The following PTPRD variants were observed in gnomAD, a reference collection of about 807,000 sequenced individuals.
PTPRD encodes the protein receptor-type tyrosine-protein phosphatase delta.
In PTPRD, 34 loss-of-function variants were observed where a neutral mutation model predicts 214.5. The ratio of observed to expected loss-of-function variants is 0.16; its 90% confidence interval spans 0.12 to 0.21. The LOEUF (loss-of-function observed/expected upper bound fraction) is 0.21, where lower values mean the gene tolerates loss of function less well. Ranked by LOEUF, PTPRD falls within the 10% of genes least tolerant of loss-of-function variation. PTPRD has a pLI of 1.00. For synonymous variants in PTPRD, 1,128 were observed against 845.7 expected, an observed-to-expected ratio of 1.33 and a Z score of -5.79; for missense variants, 2,545 against 2,398.7, an observed-to-expected ratio of 1.06 and a Z score of -1.27.
intron 3 of PTPRD, among the ~76,000 whole-genome samples, chr9:10,195,081 C>T (rs1265506488): frequency 6.7e-5 from 10 of 148,824 alleles, no homozygotes; most frequent in Admixed American, 5.4e-4. Flanking sequence ...TACAGGCACC[C>T]GTGACCATAC....
chr9:9,153,660 C>G (rs1365340050), intron 10 of PTPRD, among the ~76,000 whole-genome samples: 1 of 152,096 alleles, frequency 6.6e-6, no homozygotes, highest in Admixed American at 6.6e-5. Flanking sequence ...GTGTCTAGGT[C>G]TCTACAAAAC....
chr9:10,192,675 G>A (rs2099372782), intron 3 of PTPRD, among the ~76,000 whole-genome samples: 1 of 152,044 alleles, frequency 6.6e-6, no homozygotes, highest in African/African-American at 2.4e-5. Context: ...TCCCTCACTA[G>A]CTTCCAAATC....
At chr9:10,535,779 G>T (rs2057635076) in intron 2 of PTPRD, among the ~76,000 whole-genome samples, 1 of 152,168 alleles carries the variant, frequency 6.6e-6, no homozygotes, top group South Asian at 2.1e-4. Flanking sequence ...GTTGAAAATT[G>T]ATATCTAGCC....
At chr9:8,485,545 C>A (rs2096982421) in intron 28 of PTPRD, 1 of 626,000 alleles carries the variant, frequency 1.6e-6, no homozygotes. Flanking sequence ...TTTTCCTTAC[C>A]TGAGGACATT....
At chr9:8,520,391 C>T (rs758781005) in intron 20 of PTPRD, among the ~76,000 whole-genome samples, 1 of 152,024 alleles carries the variant, frequency 6.6e-6, no homozygotes, top group Non-Finnish European at 1.5e-5. Context: ...ACGTGTATTG[C>T]ATTTTCTAAG....
At chr9:9,513,316 T>C (rs1049358841) in intron 8 of PTPRD, among the ~76,000 whole-genome samples, 1 of 151,996 alleles carries the variant, frequency 6.6e-6, no homozygotes, top group Non-Finnish European at 1.5e-5. Context: ...CATGCTAATA[T>C]CTTTGCCCTT....
Position 8,544,923 on chromosome 9 carries a change from G to A in PTPRD, c.353-16144C>T, listed in dbSNP as rs1171462681. Among the ~76,000 whole-genome samples the A allele has an allele frequency of 3.5e-5, 5 of 142,648 alleles. No individual in the cohort carries two copies. In the East Asian group the frequency reaches 8.2e-4, roughly 23 times the overall value. The allele number at this position is 142,648 out of a possible 152,430, so 93.6% of individuals were successfully genotyped here. A position where few individuals can be genotyped will look rare whatever the true frequency, so the allele number is the denominator to read the frequency against. The stretch of plus-strand genomic sequence containing the variant: ...TTTTTTTTTTTTTTAATTGTCAGGA[G>A]GCACTTTTGTATCAAAGTGCCTTCT... On this transcript the variant is annotated intron_variant, in intron 14 of 45. Transcript: ENST00000381196.
chr9:9,486,370 A>G (rs151265772), intron 8 of PTPRD, among the ~76,000 whole-genome samples: 67 of 152,140 alleles, frequency 4.4e-4, no homozygotes, highest in African/African-American at 1.6e-3. Flanking sequence ...CCAAGGCAAC[A>G]GTATTCTTAT....
chr9:8,754,718 T>C (rs1232199745), intron 11 of PTPRD, among the ~76,000 whole-genome samples: 3 of 110,330 alleles, frequency 2.7e-5, no homozygotes, highest in African/African-American at 5.0e-5. Flanking sequence ...ACAATAAAGA[T>C]TGATAAATTT....
In PTPRD at chr9:9,373,296, C is replaced by G. The variant is rs191241418; in HGVS notation, c.-203+24153G>C. The stretch of plus-strand genomic sequence containing the variant: ...GCTAAATTTGGTGAGAGAAATAAGT[C>G]AATTTAAGTGACTTTCTATAATTTA... On this transcript the variant is annotated intron_variant, in intron 9 of 45. Transcript: ENST00000381196. Among the ~76,000 whole-genome samples, 3 of 152,116 alleles carry G rather than the reference C, an allele frequency of 2.0e-5. No homozygotes were observed. In the East Asian group the frequency reaches 5.8e-4, roughly 29 times the overall value.
chr9:8,736,012 C>T lies in PTPRD; in HGVS notation c.-103-2066G>A, dbSNP rs191455799. 2.2e-4 allele frequency among the ~76,000 whole-genome samples: 34 copies of T among 151,620 alleles called. 1 individual carries two copies. In the East Asian group the frequency reaches 6.0e-3, roughly 27 times the overall value. On this transcript the variant is annotated intron_variant, in intron 11 of 45. Transcript: ENST00000381196. ...CAAATGGCCTTTATTCAGCAAACTA[C>T]AAAAAGAGCCATTTAATGTTTTAGA...
At chr9:8,752,167 G>C (rs889330214) in intron 11 of PTPRD, among the ~76,000 whole-genome samples, 12 of 152,276 alleles carry the variant, frequency 7.9e-5, no homozygotes, top group African/African-American at 2.6e-4. Flanking sequence ...TTCTCAGACG[G>C]TTAGGGCATT....
chr9:8,719,279 A>G (rs993472736), intron 12 of PTPRD, among the ~76,000 whole-genome samples: 3 of 152,252 alleles, frequency 2.0e-5, no homozygotes, highest in African/African-American at 4.8e-5. Flanking sequence ...CATGAAGAGC[A>G]ATAACATGCA....
At chr9:10,029,736 G>A (rs777401237) in intron 4 of PTPRD, among the ~76,000 whole-genome samples, 2 of 152,308 alleles carry the variant, frequency 1.3e-5, no homozygotes, top group African/African-American at 2.4e-5. Flanking sequence ...TGTCTCAGAT[G>A]AGACTTTGGA....
At chr9:10,546,009 C>G (rs114048483) in intron 2 of PTPRD, among the ~76,000 whole-genome samples, 2 of 152,020 alleles carry the variant, frequency 1.3e-5, no homozygotes, top group African/African-American at 2.4e-5. Context: ...AACAAAGTAA[C>G]ATTTTTTTTA....
At chr9:8,469,600 C>T (rs1414023724) in intron 31 of PTPRD, among the ~76,000 whole-genome samples, 1 of 152,080 alleles carries the variant, frequency 6.6e-6, no homozygotes, top group African/African-American at 2.4e-5. Flanking sequence ...GATCATTCTG[C>T]ATTTTCAGTT....
At chr9:9,024,585 G>A (rs2099581121) in intron 10 of PTPRD, among the ~76,000 whole-genome samples, 1 of 151,502 alleles carries the variant, frequency 6.6e-6, no homozygotes, top group Non-Finnish European at 1.5e-5. Flanking sequence ...GAAGCTAATA[G>A]TAGATATTAT....
intron 4 of PTPRD, among the ~76,000 whole-genome samples, chr9:10,026,612 A>G (rs1453640120): frequency 6.6e-6 from 1 of 152,114 alleles, no homozygotes; most frequent in Non-Finnish European, 1.5e-5. Context: ...ACAATAATAC[A>G]CCTGCCATCA....
chr9:9,590,536 T>C (rs73388953), intron 7 of PTPRD, among the ~76,000 whole-genome samples: 5,032 of 152,124 alleles, frequency 0.033, 235 homozygotes, highest in African/African-American at 0.11. Flanking sequence ...TTATTTTCTA[T>C]AATGAACATC....
Sources: allele counts gnomAD v4.1 joint callset (sites outside exome capture counted in the v4.1 genomes callset), GRCh38; gene constraint gnomAD v4.1.1; transcripts MANE v1.5; gene names NCBI Gene and HGNC (gene_info 2026-07-23, HGNC 2026-07-21).